Variants in ANK1 observed in about 807,000 individuals in gnomAD.
ANK1 encodes ankyrin-1.
Under a neutral mutation model 210.4 loss-of-function variants are expected in ANK1, and 51 were observed. The ratio of observed to expected loss-of-function variants is 0.24; its 90% confidence interval spans 0.19 to 0.31. ANK1 has a LOEUF of 0.31. Ranked by LOEUF, ANK1 falls within the 10% of genes least tolerant of loss-of-function variation. The pLI is 1.00. For missense variants in ANK1, 2,051 were observed against 2,504.4 expected, an observed-to-expected ratio of 0.82 and a Z score of 3.86; for synonymous variants, 967 against 1,025.9, an observed-to-expected ratio of 0.94 and a Z score of 1.10.
intron 1 of ANK1, among the ~76,000 whole-genome samples, chr8:41,763,664 G>A (rs1217621600): frequency 6.6e-6 from 1 of 151,994 alleles, no homozygotes; most frequent in Non-Finnish European, 1.5e-5. Context: ...CCATGGCAGA[G>A]GAAAAATGCT....
intron 1 of ANK1, among the ~76,000 whole-genome samples, chr8:41,889,985 C>G (rs1587643823): frequency 6.6e-6 from 1 of 152,162 alleles, no homozygotes; most frequent in East Asian, 1.9e-4. Flanking sequence ...GTATCCTTTT[C>G]TCATTTCCCA....
Position 41,723,125 on chromosome 8 carries a change from C to T in ANK1, c.909G>A (p.Lys303=). Residue 303 remains lysine (K), a splice_region_variant and synonymous_variant, in exon 9 of 43, where the codon AAG becomes AAA. Transcript: ENST00000289734. ...DHGAPIQAKT[K]NGLSPIHMAA... Reference sequence around the variant, plus strand: ...CGCCTGACAGGAAGGAAGTACACACCTTGGTTTTGGCTTGGATTGGTGCCC... The same window carrying T: ...CGCCTGACAGGAAGGAAGTACACACTTTGGTTTTGGCTTGGATTGGTGCCC... The T allele has an allele frequency of 6.2e-7, 1 of 1,614,200 alleles. No individual in the cohort carries two copies. Among genetic ancestry groups the T allele is most frequent in the Non-Finnish European group, 8.5e-7 (1 of 1,180,028 alleles).
intron 1 of ANK1, among the ~76,000 whole-genome samples, chr8:41,785,475 T>C (rs1385696707): frequency 6.6e-6 from 1 of 152,228 alleles, no homozygotes; most frequent in African/African-American, 2.4e-5. Flanking sequence ...GCTGTCTAGC[T>C]ACGGAGAGGT....
intron 1 of ANK1, among the ~76,000 whole-genome samples, chr8:41,883,876 T>C (rs1275490304): frequency 6.6e-6 from 1 of 152,198 alleles, no homozygotes; most frequent in African/African-American, 2.4e-5. Context: ...CACAGCTCTG[T>C]TGTCGAGGGC....
intron 37 of ANK1, among the ~76,000 whole-genome samples, chr8:41,681,965 G>A (rs964394412): frequency 4.6e-5 from 7 of 152,200 alleles, no homozygotes; most frequent in Non-Finnish European, 1.0e-4. Context: ...GCACAGAGCA[G>A]CCAGGAAGCA....
chr8:41,784,901 A>G (rs964153515), intron 1 of ANK1, among the ~76,000 whole-genome samples: 1 of 152,234 alleles, frequency 6.6e-6, no homozygotes, highest in African/African-American at 2.4e-5. Context: ...GGTGATACAA[A>G]GTTTCCAAAA....
intron 38 of ANK1, among the ~76,000 whole-genome samples, chr8:41,671,464 C>G (rs1286508634): frequency 6.6e-6 from 1 of 152,164 alleles, no homozygotes; most frequent in African/African-American, 2.4e-5. Context: ...CGGTCTTCCC[C>G]AGCCTCATGA....
chr8:41,879,184 C>T (rs1817147687), intron 1 of ANK1, among the ~76,000 whole-genome samples: 1 of 152,186 alleles, frequency 6.6e-6, no homozygotes, highest in Non-Finnish European at 1.5e-5. Context: ...AGCTCTGCCT[C>T]TAGAGAGCCG....
At chr8:41,747,380 T>C (rs1836454075) in intron 2 of ANK1, among the ~76,000 whole-genome samples, 1 of 152,162 alleles carries the variant, frequency 6.6e-6, no homozygotes, top group African/African-American at 2.4e-5. Context: ...CTGTCCCCTC[T>C]CTTTGCCACA....
chr8:41,832,294 C>G (rs559251375), intron 1 of ANK1, among the ~76,000 whole-genome samples: 1 of 152,318 alleles, frequency 6.6e-6, no homozygotes, highest in East Asian at 1.9e-4. Flanking sequence ...CCCACGTTCC[C>G]TGGGACCCAC....
intron 2 of ANK1, among the ~76,000 whole-genome samples, chr8:41,749,827 G>A (rs1276719395): frequency 1.3e-5 from 2 of 151,644 alleles, no homozygotes; most frequent in Admixed American, 6.6e-5. Context: ...AGTCAGGCTC[G>A]TCTCGAACTC....
At chr8:41,874,507 G>A (rs931004264) in intron 1 of ANK1, among the ~76,000 whole-genome samples, 2 of 152,180 alleles carry the variant, frequency 1.3e-5, no homozygotes, top group Non-Finnish European at 2.9e-5. Context: ...TCCCCGCCCC[G>A]CAGGCCCTGC....
intron 29 of ANK1, 143 bp from the exon 30 acceptor site, chr8:41,693,344 C>G: frequency 2.7e-6 from 2 of 737,974 alleles, no homozygotes; most frequent in South Asian, 3.0e-5. Context: ...ACCCTCACCC[C>G]GCTGCTCTTC....
At position 41,718,164 on chromosome 8, in the gene ANK1, T is replaced by C. The variant is rs1364511169; in HGVS notation, c.1148A>G (p.His383Arg). 5.6e-6 allele frequency: 9 copies of C among 1,614,040 alleles called. No homozygotes were observed. Among genetic ancestry groups the C allele is most frequent in the Non-Finnish European group, 8.5e-7 (1 of 1,180,012 alleles). Residue 383 changes from histidine to arginine, a missense_variant, in exon 11 of 43, where the codon CAC becomes CGC. Physicochemically the swap from His to Arg is conservative, Grantham distance 29. Around this residue, in one of 6 missense-constraint regions of ANK1, gnomAD observed 1,413 missense variants for 1,707.4 expected, o/e 0.83. Transcript: ENST00000289734. ...TPLHIACKKN[H>R]VRVMELLLKT... is the part of the protein sequence containing the mutation. ...CAGCAGCAGCTCCATGACACGGACG[T>C]GGTTCTTTTTGCAGGCGATGTGTAA...
At chr8:41,739,371 A>G (rs1834153271) in intron 2 of ANK1, among the ~76,000 whole-genome samples, 1 of 152,032 alleles carries the variant, frequency 6.6e-6, no homozygotes, top group Admixed American at 6.6e-5. Context: ...CATGAATGTT[A>G]TCTACTTTTC....
At chr8:41,746,794 A>G (rs1047000948) in intron 2 of ANK1, among the ~76,000 whole-genome samples, 3 of 151,984 alleles carry the variant, frequency 2.0e-5, no homozygotes, top group African/African-American at 4.8e-5. Context: ...TGGGACTCTG[A>G]AATGCAGTTC....
intron 1 of ANK1, among the ~76,000 whole-genome samples, chr8:41,786,811 A>T (rs1315424014): frequency 6.6e-6 from 1 of 152,224 alleles, no homozygotes; most frequent in Admixed American, 6.5e-5. Flanking sequence ...CCGATTTGCC[A>T]GTTCATCCTA....
intron 1 of ANK1, among the ~76,000 whole-genome samples, chr8:41,793,723 G>A (rs543367161): frequency 6.6e-6 from 1 of 152,282 alleles, no homozygotes; most frequent in East Asian, 1.9e-4. Context: ...CCATGCCAAG[G>A]TCCCAAGAAG....
In ANK1 at chr8:41,704,497, A is replaced by G. The variant is rs1824009367; in HGVS notation, c.2098-25T>C. The G allele has an allele frequency of 1.9e-6, 3 of 1,593,062 alleles. No individual in the cohort carries two copies. Among genetic ancestry groups the G allele is most frequent in the Non-Finnish European group, 2.6e-6 (3 of 1,160,784 alleles). The stretch of plus-strand genomic sequence containing the variant: ...TCTGAAAAGCAGATGAGAAGGAGTG[A>G]CCGGAGCTGTCCTGAGCTGGGCATC... On this transcript the variant is annotated intron_variant, in intron 18 of 42. Transcript: ENST00000289734. This position sits in a 1 kb window ranked among gnomAD's most constrained non-coding sequence, Gnocchi z 4.1.
Sources: allele counts gnomAD v4.1 joint callset (sites outside exome capture counted in the v4.1 genomes callset), GRCh38; gene constraint gnomAD v4.1.1; regional missense constraint gnomAD v4.1.1; non-coding constraint Gnocchi (gnomAD v3.1); transcripts MANE v1.5; gene names NCBI Gene and HGNC (gene_info 2026-07-23, HGNC 2026-07-21).